The following CYREN variants were observed in gnomAD, a reference collection of about 807,000 sequenced individuals.
The protein encoded by CYREN is cell cycle regulator of non-homologous end joining.
Under a neutral mutation model 9.7 loss-of-function variants are expected in CYREN, and 7 were observed. That is an observed-to-expected ratio of 0.72 (90% CI 0.41 to 1.36). The LOEUF (loss-of-function observed/expected upper bound fraction) is 1.36, where lower values mean the gene tolerates loss of function less well. Ranked by LOEUF, CYREN falls within the 40% of genes most tolerant of loss-of-function variation. CYREN has a pLI of 0.01. For missense variants in CYREN, 215 were observed against 198.1 expected, an observed-to-expected ratio of 1.09 and a Z score of -0.51; for synonymous variants, 76 against 77.9, an observed-to-expected ratio of 0.98 and a Z score of 0.13.
rs540114287 is a variant in CYREN at position 135,150,852 on chromosome 7, TCAAA to T, written n.356+17893_356+17896del. 5.2e-3 allele frequency among the ~76,000 whole-genome samples: 798 copies of T among 152,314 alleles called. 2 individuals are homozygous for T. The highest frequency in any genetic ancestry group is 9.3e-3 in the Non-Finnish European group (636 of 68,030). On this transcript the variant is annotated intron_variant and non_coding_transcript_variant, in intron 2 of 2. Coordinates refer to the CYREN transcript ENST00000459937. ...CCCTGGGTGACAGAGCAAGACTGTCTCAAACAAACAAACAAATTAAGATGGCTCA... is the reference window on the plus strand; with the variant it reads ...CCCTGGGTGACAGAGCAAGACTGTCTCAAACAAACAAATTAAGATGGCTCA...
intron 2 of CYREN, among the ~76,000 whole-genome samples, chr7:135,120,260 A>C (rs1167791605): frequency 6.6e-6 from 1 of 152,242 alleles, no homozygotes; most frequent in Non-Finnish European, 1.5e-5. Flanking sequence ...TGGTTGAAGC[A>C]AAAATTATAA....
chr7:135,128,809 A>C, intron 2 of CYREN: 1 of 1,172,542 alleles, frequency 8.5e-7, no homozygotes, highest in Non-Finnish European at 1.3e-6. Flanking sequence ...CCAAGAGGAA[A>C]CTGTGGATGA....
At chr7:135,106,798 G>C (rs145829389) in intron 2 of CYREN, among the ~76,000 whole-genome samples, 1 of 152,066 alleles carries the variant, frequency 6.6e-6, no homozygotes, top group South Asian at 2.1e-4. Flanking sequence ...GTACCAGCTC[G>C]TCTTTGTACA....
At chr7:135,126,984 A>G (rs1326138623) in intron 2 of CYREN, among the ~76,000 whole-genome samples, 1 of 152,226 alleles carries the variant, frequency 6.6e-6, no homozygotes, top group Non-Finnish European at 1.5e-5. Flanking sequence ...CAAAACACCA[A>G]AAGCAATTGC....
intron 2 of CYREN, among the ~76,000 whole-genome samples, chr7:135,147,396 A>G (rs967175163): frequency 3.3e-5 from 5 of 152,192 alleles, no homozygotes; most frequent in Non-Finnish European, 7.4e-5. Flanking sequence ...GGATTCAGCA[A>G]TAGCACTAGG....
intron 2 of CYREN, among the ~76,000 whole-genome samples, chr7:135,118,386 G>A (rs1826625168): frequency 6.6e-6 from 1 of 152,114 alleles, no homozygotes; most frequent in Non-Finnish European, 1.5e-5. Context: ...TCTCAATGGA[G>A]GCTACATATG....
At chr7:135,148,988 C>T (rs1398146722) in intron 2 of CYREN, among the ~76,000 whole-genome samples, 1 of 152,070 alleles carries the variant, frequency 6.6e-6, no homozygotes, top group Non-Finnish European at 1.5e-5. Flanking sequence ...CACATATTTC[C>T]TTCTTCCCTC....
At chr7:135,170,004 C>G (rs572810789) in intron 1 of CYREN, among the ~76,000 whole-genome samples, 5 of 152,392 alleles carry the variant, frequency 3.3e-5, no homozygotes, top group East Asian at 3.9e-4. Flanking sequence ...ACTCCTACCC[C>G]CTAAGGCGCC....
At chr7:135,135,361 C>A in intron 2 of CYREN, 1 of 1,127,992 alleles carries the variant, frequency 8.9e-7, no homozygotes, top group Non-Finnish European at 1.2e-6. Flanking sequence ...CTTTCCCTAT[C>A]TCTCCCCTTA....
At chr7:135,172,312 G>T (rs1289937469), upstream of CYREN, among the ~76,000 whole-genome samples, 1 of 152,228 alleles carries the variant, frequency 6.6e-6, no homozygotes, top group African/African-American at 2.4e-5. Context: ...TTGAATTGCT[G>T]GATACTTTGG....
Position 135,167,844 on chromosome 7 carries a change from C to T in CYREN, c.138-37G>A, listed in dbSNP as rs367642140. The T allele has an allele frequency of 6.2e-6, 10 of 1,613,670 alleles. No homozygotes were observed. The African/African-American group carries it at 1.3e-4, about 22-fold the overall frequency. On this transcript the variant is annotated intron_variant, in intron 2 of 3. Coordinates refer to ENST00000393114, the MANE Select transcript of CYREN (RefSeq NM_024033.4). ...ACATGCAAGGCACAGATGACACAGA[C>T]TCTCAAGTCTCATAAGGGCAAAGAG... is the stretch of plus-strand genomic sequence containing the variant.
chr7:135,132,518 C>T (rs1170136096), intron 2 of CYREN, among the ~76,000 whole-genome samples: 1 of 152,164 alleles, frequency 6.6e-6, no homozygotes, highest in Non-Finnish European at 1.5e-5. Context: ...GGATCTTACT[C>T]AATAAAGTCC....
intron 2 of CYREN, among the ~76,000 whole-genome samples, chr7:135,141,308 A>C (rs1829448473): frequency 6.6e-6 from 1 of 152,014 alleles, no homozygotes; most frequent in Non-Finnish European, 1.5e-5. Context: ...CTAGGAATTT[A>C]TCCATTTCTT....
exon 3 of CYREN, chr7:135,093,162 A>G (rs541518469): frequency 6.6e-6 from 1 of 151,922 alleles, no homozygotes; most frequent in Non-Finnish European, 1.5e-5. Context: ...CTTCTATTCA[A>G]CATTATAATG....
intron 2 of CYREN, among the ~76,000 whole-genome samples, chr7:135,130,938 A>C (rs968458503): frequency 6.6e-6 from 1 of 152,174 alleles, no homozygotes; most frequent in Non-Finnish European, 1.5e-5. Flanking sequence ...TTTTTGGAAA[A>C]GAGAACAGAA....
chr7:135,156,353 T>C (rs1295257016), intron 2 of CYREN, among the ~76,000 whole-genome samples: 2 of 152,200 alleles, frequency 1.3e-5, no homozygotes, highest in African/African-American at 4.8e-5. Context: ...ATAAGTTCAG[T>C]TGCTTCTTGC....
At chr7:135,097,526 G>A (rs904893672) in intron 2 of CYREN, among the ~76,000 whole-genome samples, 2 of 152,008 alleles carry the variant, frequency 1.3e-5, no homozygotes, top group African/African-American at 4.8e-5. Context: ...TGTAAATTTT[G>A]GCATGTTTCA....
rs111295350 is a variant in CYREN, at chr7:135,102,919, G to A, written n.357-8337C>T. On this transcript the variant is annotated intron_variant and non_coding_transcript_variant, in intron 2 of 2. Coordinates refer to the CYREN transcript ENST00000459937. Reference sequence around the variant, plus strand: ...ACACCAATTATAAAAGAAAAACTTGGTAAATGAACTTCATCAAAATCATTC... The same window carrying A: ...ACACCAATTATAAAAGAAAAACTTGATAAATGAACTTCATCAAAATCATTC... Among the ~76,000 whole-genome samples the A allele has an allele frequency of 2.1e-3, 315 of 152,126 alleles. 1 individual carries two copies. The highest frequency in any genetic ancestry group is 7.2e-3 in the African/African-American group (299 of 41,516).
intron 2 of CYREN, among the ~76,000 whole-genome samples, chr7:135,154,526 G>A (rs1585346588): frequency 6.6e-6 from 1 of 152,120 alleles, no homozygotes; most frequent in Admixed American, 6.5e-5. Flanking sequence ...TTCTTTTGCT[G>A]TAACCTGCAG....
Sources: allele counts gnomAD v4.1 joint callset (sites outside exome capture counted in the v4.1 genomes callset), GRCh38; gene constraint gnomAD v4.1.1; transcripts MANE v1.5; gene names NCBI Gene and HGNC (gene_info 2026-07-23, HGNC 2026-07-21).